PLPPR1: variants seen among roughly 807,000 people sequenced by gnomAD.
PLPPR1 encodes the protein phospholipid phosphatase-related protein type 1.
PLPPR1 carries 10 observed loss-of-function variants against 33.1 expected under a neutral mutation model. The observed-to-expected ratio is 0.30, with a 90% CI of 0.19 to 0.51. The LOEUF (loss-of-function observed/expected upper bound fraction) is 0.51, where lower values mean the gene tolerates loss of function less well. Among genes scored for constraint, PLPPR1 ranks in the 20% least tolerant of loss-of-function variants. The pLI is 0.97. For missense variants in PLPPR1, 304 were observed against 408.1 expected (o/e 0.74, Z 2.20); for synonymous variants, 151 against 151.0 (o/e 1.00, Z 0.00).
At chr9:101,296,667 A>T (rs1311575975) in intron 4 of PLPPR1, among the ~76,000 whole-genome samples, 1 of 152,218 alleles carries the variant, frequency 6.6e-6, no homozygotes, top group Non-Finnish European at 1.5e-5. Flanking sequence ...GAAATTGGAA[A>T]TCATCATTCT....
chr9:101,036,374 A>G (rs1343109887), intron 1 of PLPPR1, among the ~76,000 whole-genome samples: 1 of 152,180 alleles, frequency 6.6e-6, no homozygotes, highest in African/African-American at 2.4e-5. Flanking sequence ...TTCACATTGT[A>G]AAAGCAAAGC....
At chr9:101,108,801 G>A (rs1831011655) in intron 1 of PLPPR1, among the ~76,000 whole-genome samples, 1 of 152,026 alleles carries the variant, frequency 6.6e-6, no homozygotes, top group Non-Finnish European at 1.5e-5. Flanking sequence ...ATTTCCAAGA[G>A]CTATTTTTTA....
intron 1 of PLPPR1, among the ~76,000 whole-genome samples, chr9:101,096,370 C>G (rs7866010): frequency 0.7 from 106,820 of 152,000 alleles, 37,673 homozygotes; most frequent in East Asian, 0.89. Flanking sequence ...ACCTGGTACA[C>G]GATACAATAT....
At chr9:101,187,953 G>C (rs1432399159) in intron 2 of PLPPR1, 1 of 151,832 alleles carries the variant, frequency 6.6e-6, no homozygotes, top group East Asian at 1.9e-4. Flanking sequence ...CCCATGCATG[G>C]TTTATATTTT....
At chr9:101,129,207 T>C (rs1281762778) in intron 1 of PLPPR1, among the ~76,000 whole-genome samples, 1 of 152,152 alleles carries the variant, frequency 6.6e-6, no homozygotes, top group Non-Finnish European at 1.5e-5. Flanking sequence ...AATTTAAGAC[T>C]GCCTATATCA....
chr9:101,314,597 A>G (rs1264033288), intron 6 of PLPPR1, among the ~76,000 whole-genome samples: 1 of 150,394 alleles, frequency 6.6e-6, no homozygotes. Context: ...CAATAGCATT[A>G]TGTCTAAAAA....
chr9:101,176,526 T>A (rs892324455), intron 1 of PLPPR1, among the ~76,000 whole-genome samples: 6 of 152,190 alleles, frequency 3.9e-5, no homozygotes, highest in African/African-American at 9.6e-5. Flanking sequence ...TTGCAGTATC[T>A]GTGGAGGCCA....
At chr9:101,119,266 T>C (rs1288667587) in intron 1 of PLPPR1, among the ~76,000 whole-genome samples, 1 of 152,244 alleles carries the variant, frequency 6.6e-6, no homozygotes, top group Non-Finnish European at 1.5e-5. Context: ...CCTTGTGTTA[T>C]GGTATCCTTG....
chr9:101,279,832 T>C (rs918323152), intron 3 of PLPPR1, among the ~76,000 whole-genome samples: 8 of 152,214 alleles, frequency 5.3e-5, no homozygotes, highest in East Asian at 1.9e-4. Context: ...GGGAATTTTA[T>C]AGCAATAAAC....
At chr9:101,230,170 T>G (rs1374267677) in intron 2 of PLPPR1, among the ~76,000 whole-genome samples, 1 of 152,110 alleles carries the variant, frequency 6.6e-6, no homozygotes, top group Non-Finnish European at 1.5e-5. Flanking sequence ...TTCAAACCAT[T>G]CCAGAATAAA....
intron 5 of PLPPR1, among the ~76,000 whole-genome samples, chr9:101,310,832 G>GA (rs35123859): frequency 6.6e-6 from 1 of 151,936 alleles, no homozygotes; most frequent in Non-Finnish European, 1.5e-5. Context: ...ATGAGTATGT[G>GA]AAAAAAAGGA....
intron 2 of PLPPR1, among the ~76,000 whole-genome samples, chr9:101,237,418 A>G (rs1190814460): frequency 6.6e-6 from 1 of 151,598 alleles, no homozygotes; most frequent in Non-Finnish European, 1.5e-5. Context: ...CATGGAATCA[A>G]CTTAAGTGTT....
chr9:101,079,500 G>A (rs1198357435), intron 1 of PLPPR1, among the ~76,000 whole-genome samples: 1 of 151,676 alleles, frequency 6.6e-6, no homozygotes, highest in Non-Finnish European at 1.5e-5. Context: ...TAATAGTTGG[G>A]CATGTAAGGG....
At chr9:101,235,659 T>G (rs1827285181) in intron 2 of PLPPR1, among the ~76,000 whole-genome samples, 1 of 151,868 alleles carries the variant, frequency 6.6e-6, no homozygotes, top group Non-Finnish European at 1.5e-5. Flanking sequence ...GAGCACTTCT[T>G]GGGTCTAGCT....
chr9:101,119,967 T>C (rs1364072146), intron 1 of PLPPR1, among the ~76,000 whole-genome samples: 2 of 152,214 alleles, frequency 1.3e-5, no homozygotes, highest in African/African-American at 2.4e-5. Flanking sequence ...GCCTCACTAG[T>C]GGCCAATCTA....
chr9:101,250,293 G>A (rs965554579), intron 2 of PLPPR1, among the ~76,000 whole-genome samples: 1 of 151,916 alleles, frequency 6.6e-6, no homozygotes, highest in Non-Finnish European at 1.5e-5. Flanking sequence ...GTTCTTGTGC[G>A]CACACAGCTC....
At chr9:101,315,006 G>T (rs765750472) in intron 6 of PLPPR1, among the ~76,000 whole-genome samples, 12 of 152,188 alleles carry the variant, frequency 7.9e-5, no homozygotes, top group Admixed American at 5.2e-4. Flanking sequence ...TGTTTCGGGG[G>T]TATGTGTGAT....
At chr9:101,147,812 C>T (rs1831538228) in intron 1 of PLPPR1, among the ~76,000 whole-genome samples, 1 of 152,200 alleles carries the variant, frequency 6.6e-6, no homozygotes, top group Admixed American at 6.5e-5. Flanking sequence ...TATTAACATC[C>T]TGGTTCAGTG....
intron 1 of PLPPR1, among the ~76,000 whole-genome samples, chr9:101,083,411 T>C (rs1352691032): frequency 6.6e-6 from 1 of 150,456 alleles, no homozygotes; most frequent in Non-Finnish European, 1.5e-5. Context: ...AAAAAAGTTA[T>C]GCAAAATTGA....
Sources: gnomAD v4.1 joint callset for allele counts (sites outside exome capture counted in the v4.1 genomes callset) on GRCh38, gnomAD v4.1.1 for gene constraint, MANE v1.5 for transcripts, NCBI Gene and HGNC (gene_info 2026-07-23, HGNC 2026-07-21) for gene names.